SLMAP: variants seen among roughly 807,000 people sequenced by gnomAD.
SLMAP encodes the protein sarcolemma associated protein.
In SLMAP, 44 loss-of-function variants were observed where a neutral mutation model predicts 128.8. That is an observed-to-expected ratio of 0.34 (90% CI 0.27 to 0.44). The LOEUF (loss-of-function observed/expected upper bound fraction) is 0.44. Among genes scored for constraint, SLMAP ranks in the 20% least tolerant of loss-of-function variants. The pLI is 1.00. For missense variants in SLMAP, 787 were observed against 985.3 expected, an observed-to-expected ratio of 0.80 and a Z score of 2.69; for synonymous variants, 327 against 348.8, an observed-to-expected ratio of 0.94 and a Z score of 0.70.
chr3:57,923,727 C>T (rs148864458), intron 23 of SLMAP, among the ~76,000 whole-genome samples: 135 of 152,290 alleles, frequency 8.9e-4, no homozygotes, highest in South Asian at 5.4e-3. Flanking sequence ...ATGGCTTGGA[C>T]ACTGCAGTGT....
At chr3:57,845,129 A>T (rs1261802097) in intron 4 of SLMAP, among the ~76,000 whole-genome samples, 2 of 152,200 alleles carry the variant, frequency 1.3e-5, no homozygotes, top group East Asian at 3.8e-4. Context: ...CAAGAAAAAT[A>T]AATTATTGTT....
At chr3:57,807,156 A>G (rs1438433023) in intron 2 of SLMAP, among the ~76,000 whole-genome samples, 3 of 152,134 alleles carry the variant, frequency 2.0e-5, no homozygotes, top group Non-Finnish European at 4.4e-5. Context: ...TGGCCGCGTA[A>G]ATGTCTTCTT....
At chr3:57,830,254 C>T (rs151144466) in intron 2 of SLMAP, among the ~76,000 whole-genome samples, 30 of 152,202 alleles carry the variant, frequency 2.0e-4, no homozygotes, top group African/African-American at 5.8e-4. Context: ...GTGATCTGCC[C>T]GCCTCAGCCT....
At chr3:57,923,164 A>C (rs1160560442) in intron 23 of SLMAP, 141 bp downstream of exon 23, 1 of 827,682 alleles carries the variant, frequency 1.2e-6, no homozygotes, top group Non-Finnish European at 1.9e-6. Flanking sequence ...TCCATGATAG[A>C]ATCATTGTGC....
intron 14 of SLMAP, among the ~76,000 whole-genome samples, chr3:57,874,917 C>G (rs1358826215): frequency 6.6e-6 from 1 of 151,286 alleles, no homozygotes; most frequent in African/African-American, 2.4e-5. Context: ...GAACATTTCA[C>G]TTAAAATAGT....
rs147506974 is a variant in SLMAP at position 57,881,064 on chromosome 3, C to T, written c.1301-8977C>T. 5.3e-5 allele frequency among the ~76,000 whole-genome samples: 8 copies of T among 151,978 alleles called. 1 individual carries two copies. The East Asian group carries it at 9.7e-4, about 18-fold the overall frequency. Reference sequence around the variant, plus strand: ...CAAAAATTAGCCAGGCATGGTGGCGCGCGCCTGTAATCCCAGCTACTCAGG... The same window carrying T: ...CAAAAATTAGCCAGGCATGGTGGCGTGCGCCTGTAATCCCAGCTACTCAGG... On this transcript the variant is annotated intron_variant, in intron 14 of 24. Transcript: ENST00000671191.
intron 2 of SLMAP, among the ~76,000 whole-genome samples, chr3:57,785,416 G>C (rs538906357): frequency 6.6e-6 from 1 of 152,266 alleles, no homozygotes; most frequent in East Asian, 1.9e-4. Context: ...AGGTCTTAGT[G>C]ACCTAGTTGC....
At chr3:57,921,799 G>A (rs1435937324) in intron 22 of SLMAP, among the ~76,000 whole-genome samples, 1 of 151,990 alleles carries the variant, frequency 6.6e-6, no homozygotes, top group African/African-American at 2.4e-5. Context: ...TCCACCTCCC[G>A]GGTTCAAGCG....
intron 2 of SLMAP, among the ~76,000 whole-genome samples, chr3:57,789,829 T>C (rs2085051686): frequency 6.6e-6 from 1 of 152,090 alleles, no homozygotes; most frequent in South Asian, 2.1e-4. Context: ...TATTTTTGTT[T>C]GTTTGATTTA....
intron 14 of SLMAP, among the ~76,000 whole-genome samples, chr3:57,889,131 G>A (rs565651491): frequency 7.9e-5 from 12 of 152,102 alleles, no homozygotes; most frequent in South Asian, 2.1e-4. Context: ...TGATCCACCC[G>A]CCTTGGCCTC....
At chr3:57,823,379 C>T (rs1355318456) in intron 2 of SLMAP, among the ~76,000 whole-genome samples, 1 of 152,112 alleles carries the variant, frequency 6.6e-6, no homozygotes, top group Non-Finnish European at 1.5e-5. Flanking sequence ...CCTCCCACCA[C>T]CCTACAACAG....
At chr3:57,779,412 GGTGGGAGGA>G (rs2082549024) in intron 2 of SLMAP, among the ~76,000 whole-genome samples, 1 of 151,548 alleles carries the variant, frequency 6.6e-6, no homozygotes, top group Admixed American at 6.6e-5. Flanking sequence ...AGGAGGCTGA[GGTGGGAGGA>G]TTGCTTGAGC....
At chr3:57,786,957 C>G (rs1049416737) in intron 2 of SLMAP, among the ~76,000 whole-genome samples, 1 of 152,048 alleles carries the variant, frequency 6.6e-6, no homozygotes, top group South Asian at 2.1e-4. Context: ...AGGATGATCT[C>G]GATCGCCTGA....
chr3:57,759,356 C>T (rs1470679152), intron 2 of SLMAP, among the ~76,000 whole-genome samples: 2 of 151,862 alleles, frequency 1.3e-5, no homozygotes, highest in Non-Finnish European at 2.9e-5. Context: ...CAGATCACTG[C>T]AACCTCTGCC....
intron 5 of SLMAP, 89 bp downstream of exon 5, chr3:57,847,322 A>G: frequency 1.1e-6 from 1 of 929,960 alleles, no homozygotes; most frequent in Non-Finnish European, 1.7e-6. Context: ...CTAGAAATTT[A>G]TTTCTCTTTT....
intron 2 of SLMAP, among the ~76,000 whole-genome samples, chr3:57,807,719 G>A (rs1036376512): frequency 3.3e-5 from 5 of 151,372 alleles, no homozygotes; most frequent in African/African-American, 4.8e-5. Flanking sequence ...TTTTCGCATC[G>A]ATGGCCTGAA....
At chr3:57,786,464 A>G (rs970597320) in intron 2 of SLMAP, among the ~76,000 whole-genome samples, 3 of 152,120 alleles carry the variant, frequency 2.0e-5, no homozygotes, top group African/African-American at 7.2e-5. Flanking sequence ...TAATACTCAT[A>G]TAGGAGAAGC....
Position 57,853,981 on chromosome 3 carries a change from AT to A in SLMAP, c.520-3751del, listed in dbSNP as rs1418502852. Among the ~76,000 whole-genome samples, 274 of 105,570 alleles carry A rather than the reference AT, an allele frequency of 2.6e-3. 14 individuals are homozygous for A. The highest frequency in any genetic ancestry group is 0.01 in the African/African-American group (266 of 25,780). 69.3% of individuals were successfully genotyped at this position (105,570 alleles called of 152,430 possible). Reference sequence around the variant, plus strand: ...TATATATATATATATATATATATATATATATATATATATATATATTTACATA... The same window carrying A: ...TATATATATATATATATATATATATAATATATATATATATATATTTACATA... On this transcript the variant is annotated intron_variant, in intron 6 of 24. Transcript: ENST00000671191.
intron 2 of SLMAP, among the ~76,000 whole-genome samples, chr3:57,774,771 G>A (rs906675664): frequency 4.6e-5 from 7 of 151,974 alleles, no homozygotes; most frequent in Admixed American, 2.0e-4. Flanking sequence ...TGATCCACCC[G>A]CCTCAGCCTC....
Sources: gnomAD v4.1 joint callset for allele counts (sites outside exome capture counted in the v4.1 genomes callset) on GRCh38, gnomAD v4.1.1 for gene constraint, MANE v1.5 for transcripts, NCBI Gene and HGNC (gene_info 2026-07-23, HGNC 2026-07-21) for gene names.